RIPOR2: variants seen among roughly 807,000 people sequenced by gnomAD.
The protein encoded by RIPOR2 is rho family-interacting cell polarization regulator 2.
In RIPOR2, 39 loss-of-function variants were observed where a neutral mutation model predicts 114.5. The observed-to-expected ratio is 0.34, with a 90% confidence interval of 0.26 to 0.44. RIPOR2 has a LOEUF of 0.44. Ranked by LOEUF, RIPOR2 falls within the 20% of genes least tolerant of loss-of-function variation. The pLI, the probability that RIPOR2 is intolerant of heterozygous loss-of-function variation, is 1.00. For synonymous variants in RIPOR2, 445 were observed against 484.4 expected (o/e 0.92, Z 1.07); for missense variants, 1,007 against 1,255.1 (o/e 0.80, Z 2.99).
intron 14 of RIPOR2, among the ~76,000 whole-genome samples, chr6:24,838,621 G>A (rs565614907): frequency 1.1e-4 from 16 of 152,042 alleles, no homozygotes; most frequent in Admixed American, 2.6e-4. Flanking sequence ...GTGAAACCCC[G>A]TCTCTACTAA....
intron 1 of RIPOR2, among the ~76,000 whole-genome samples, chr6:24,943,463 C>T (rs1772245620): frequency 6.6e-6 from 1 of 151,750 alleles, no homozygotes; most frequent in African/African-American, 2.4e-5. Flanking sequence ...GCATGTTGTG[C>T]ACATGTACCC....
intron 1 of RIPOR2, among the ~76,000 whole-genome samples, chr6:24,965,244 C>A (rs554922360): frequency 5.9e-5 from 9 of 152,060 alleles, no homozygotes; most frequent in African/African-American, 2.2e-4. Flanking sequence ...CTCAAGAGAT[C>A]CTCCCACCAC....
chr6:24,822,630 T>G (rs906301733), intron 19 of RIPOR2, among the ~76,000 whole-genome samples: 2 of 152,200 alleles, frequency 1.3e-5, no homozygotes, highest in South Asian at 4.1e-4. Flanking sequence ...GCAATTCTCC[T>G]GCCTCAGCCT....
chr6:24,953,244 A>T (rs992597856), intron 1 of RIPOR2, among the ~76,000 whole-genome samples: 2 of 151,864 alleles, frequency 1.3e-5, no homozygotes, highest in African/African-American at 4.8e-5. Context: ...GAGACAGGAG[A>T]CTCTCTTGAA....
At chr6:25,020,509 T>C (rs1776267858) in intron 1 of RIPOR2, among the ~76,000 whole-genome samples, 1 of 152,238 alleles carries the variant, frequency 6.6e-6, no homozygotes, top group Non-Finnish European at 1.5e-5. Context: ...AGCATCAACA[T>C]AGATTAAGAT....
At chr6:24,952,518 G>A (rs1772829260) in intron 1 of RIPOR2, among the ~76,000 whole-genome samples, 1 of 152,114 alleles carries the variant, frequency 6.6e-6, no homozygotes, top group African/African-American at 2.4e-5. Flanking sequence ...AGCAAAGTTG[G>A]GAAGAGATGC....
chr6:24,822,644 G>C (rs913175560), intron 19 of RIPOR2, among the ~76,000 whole-genome samples: 1 of 151,998 alleles, frequency 6.6e-6, no homozygotes, highest in African/African-American at 2.4e-5. Flanking sequence ...TCAGCCTCCC[G>C]AGTAGCTGGG....
At chr6:24,891,772 G>C (rs145349024) in intron 1 of RIPOR2, among the ~76,000 whole-genome samples, 77 of 152,298 alleles carry the variant, frequency 5.1e-4, no homozygotes, top group African/African-American at 1.7e-3. Context: ...CTCTCACTTA[G>C]GTTAGTAAGT....
chr6:25,030,582 G>T (rs982882871), intron 1 of RIPOR2, among the ~76,000 whole-genome samples: 1 of 152,220 alleles, frequency 6.6e-6, no homozygotes, highest in Non-Finnish European at 1.5e-5. Flanking sequence ...CAACATCTTG[G>T]ATCATGTTAA....
rs556151131 is a variant in RIPOR2 at position 24,869,505 on chromosome 6, A to G, written c.448-358T>C. ...GCTAATTTTTGTATATTTAGTAGAG[A>G]CGGGGTTTCTCCATGTTGACCAGGC... is the stretch of plus-strand genomic sequence containing the variant. On this transcript the variant is annotated intron_variant, in intron 5 of 21. Transcript: ENST00000643898. 2.7e-3 allele frequency among the ~76,000 whole-genome samples: 414 copies of G among 151,960 alleles called. 2 individuals carry two copies. Among genetic ancestry groups the G allele is most frequent in the Middle Eastern group, 0.01 (3 of 294 alleles).
chr6:24,951,098 G>A (rs1772727613), intron 1 of RIPOR2, among the ~76,000 whole-genome samples: 1 of 152,172 alleles, frequency 6.6e-6, no homozygotes, highest in South Asian at 2.1e-4. Flanking sequence ...AGCGATCAGA[G>A]ACTTTAGAAG....
At chr6:24,945,115 AC>A (rs1172317187) in intron 1 of RIPOR2, among the ~76,000 whole-genome samples, 5 of 152,096 alleles carry the variant, frequency 3.3e-5, no homozygotes, top group African/African-American at 1.2e-4. Context: ...TATCACATGT[AC>A]CCCCAAAATA....
intron 1 of RIPOR2, among the ~76,000 whole-genome samples, chr6:24,992,616 G>A (rs1004331050): frequency 1.3e-5 from 2 of 152,080 alleles, no homozygotes; most frequent in Non-Finnish European, 1.5e-5. Context: ...AGGAAGAATC[G>A]ATATCATTAA....
At chr6:24,989,187 ATTGT>A (rs1419036818) in intron 1 of RIPOR2, among the ~76,000 whole-genome samples, 11 of 152,220 alleles carry the variant, frequency 7.2e-5, no homozygotes, top group African/African-American at 2.4e-4. Context: ...TTCTAGGATC[ATTGT>A]TTGCTTCATT....
intron 1 of RIPOR2, among the ~76,000 whole-genome samples, chr6:24,978,715 C>T (rs1161520256): frequency 3.3e-5 from 5 of 152,140 alleles, no homozygotes; most frequent in Non-Finnish European, 5.9e-5. Context: ...GTGAGGCCTT[C>T]GGCAGGATAT....
intron 1 of RIPOR2, among the ~76,000 whole-genome samples, chr6:24,984,699 C>A (rs1284481799): frequency 6.6e-6 from 1 of 151,812 alleles, no homozygotes; most frequent in Non-Finnish European, 1.5e-5. Context: ...TTGTATCTGG[C>A]CCCACAATAA....
Position 24,826,140 on chromosome 6 carries a change from T to C in RIPOR2, c.2666-712A>G, listed in dbSNP as rs893299466. On this transcript the variant is annotated intron_variant, in intron 18 of 21. Coordinates refer to ENST00000643898, the MANE Select transcript of RIPOR2 (RefSeq NM_001286445.3). ...TGGGGTTTCACCATGTTGGCCAGGC[T>C]GGTCTCAAACTCCCGACCTCAAGTG... Among the ~76,000 whole-genome samples the C allele has an allele frequency of 5.3e-5, 8 of 152,112 alleles. No homozygotes were observed. The East Asian group carries it at 1.3e-3, about 26-fold the overall frequency.
At chr6:24,882,483 T>C (rs1372726822) in intron 1 of RIPOR2, among the ~76,000 whole-genome samples, 1 of 152,328 alleles carries the variant, frequency 6.6e-6, no homozygotes, top group African/African-American at 2.4e-5. Flanking sequence ...CTAATATTTA[T>C]TGTTAGAGTT....
chr6:25,015,413 A>C (rs1469136838), intron 1 of RIPOR2: 1 of 152,178 alleles, frequency 6.6e-6, no homozygotes, highest in East Asian at 1.9e-4. Flanking sequence ...AAAATAACAA[A>C]ACCTTTTCGA....
Sources: allele counts gnomAD v4.1 joint callset (sites outside exome capture counted in the v4.1 genomes callset), GRCh38; gene constraint gnomAD v4.1.1; transcripts MANE v1.5; gene names NCBI Gene and HGNC (gene_info 2026-07-23, HGNC 2026-07-21).